Variants in IL4R observed in about 807,000 individuals in gnomAD.
The protein encoded by IL4R is interleukin 4 receptor, also known as interleukin-4 receptor subunit alpha.
A neutral mutation model predicts 41.5 loss-of-function variants in IL4R; 17 were observed. The ratio of observed to expected loss-of-function variants is 0.41; its 90% CI spans 0.28 to 0.61. IL4R has a LOEUF of 0.61. Among genes scored for constraint, IL4R ranks in the 20% least tolerant of loss-of-function variants. The pLI is 0.31. For synonymous variants in IL4R, 402 were observed against 422.9 expected, an observed-to-expected ratio of 0.95 and a Z score of 0.61; for missense variants, 974 against 1,043.1, an observed-to-expected ratio of 0.93 and a Z score of 0.91.
At chr16:27,337,606 G>T (rs2085299532) in intron 2 of IL4R, among the ~76,000 whole-genome samples, 1 of 150,040 alleles carries the variant, frequency 6.7e-6, no homozygotes, top group Non-Finnish European at 1.5e-5. Flanking sequence ...TTGCAACAGG[G>T]TCTCACTGTG....
At chr16:27,341,913 C>G (rs1346341481) in intron 3 of IL4R, 3 of 564,276 alleles carry the variant, frequency 5.3e-6, no homozygotes, top group African/African-American at 3.8e-5. Context: ...GCCCCCGCAC[C>G]CATGGGTATT....
intron 8 of IL4R, among the ~76,000 whole-genome samples, chr16:27,357,168 G>A (rs897339775): frequency 2.0e-5 from 3 of 152,162 alleles, no homozygotes; most frequent in South Asian, 2.1e-4. Flanking sequence ...AGCAACCTTG[G>A]ACTGATCGCC....
chr16:27,353,896 T>C (rs765200138), intron 7 of IL4R, among the ~76,000 whole-genome samples: 13 of 152,190 alleles, frequency 8.5e-5, no homozygotes, highest in Non-Finnish European at 1.3e-4. Context: ...GACCCCTGAA[T>C]TCTACCTGCA....
chr16:27,358,812 A>T, intron 8 of IL4R, 104 bp from the exon 9 acceptor site: 3 of 824,282 alleles, frequency 3.6e-6, no homozygotes, highest in Non-Finnish European at 6.3e-6. Flanking sequence ...AATCAGCCTG[A>T]TCTCTGATGC....
rs757370872 is a variant in IL4R, at chr16:27,345,163, C to G, written c.361+143C>G. Reference sequence around the variant, plus strand: ...GTATTTTCCCAAATCTGATGGGATTCCTGCCCCTGCCTGGGCCTCAGTCCT... The same window carrying G: ...GTATTTTCCCAAATCTGATGGGATTGCTGCCCCTGCCTGGGCCTCAGTCCT... On this transcript the variant is annotated intron_variant, in intron 5 of 10. Coordinates refer to ENST00000395762, the MANE Select transcript of IL4R (RefSeq NM_000418.4). This position sits in a 1 kb window ranked among gnomAD's most constrained non-coding sequence, Gnocchi z 4.5. 2.2e-6 allele frequency: 2 copies of G among 896,676 alleles called. No homozygotes were observed. The highest frequency in any genetic ancestry group is 5.3e-5 in the East Asian group (2 of 38,026). 55.5% of individuals were successfully genotyped at this position (896,676 alleles called of 1,614,324 possible). A position where few individuals can be genotyped will look rare whatever the true frequency, so the allele number is the denominator to read the frequency against.
At position 27,345,102 on chromosome 16, in the gene IL4R, A is replaced by G. The variant is rs1462117623; in HGVS notation, c.361+82A>G. On this transcript the variant is annotated intron_variant, in intron 5 of 10. Transcript: ENST00000395762. The surrounding 1 kb of genome is among the most constrained non-coding windows in gnomAD (Gnocchi z 4.5). Reference sequence around the variant, plus strand: ...CTGAGGGTGGGGTGGGCAGGGGAGGAGGTGGGGTCATAGCAACAGCAGGAG... The same window carrying G: ...CTGAGGGTGGGGTGGGCAGGGGAGGGGGTGGGGTCATAGCAACAGCAGGAG... 8.0e-6 allele frequency: 4 copies of G among 497,144 alleles called. No individual in the cohort carries two copies. The highest frequency in any genetic ancestry group is 2.0e-5 in the African/African-American group (1 of 50,020). 30.8% of individuals were successfully genotyped at this position (497,144 alleles called of 1,614,324 possible). A position where few individuals can be genotyped will look rare whatever the true frequency, so the allele number is the denominator to read the frequency against.
chr16:27,362,972 C>T lies in IL4R; in HGVS notation c.1620C>T (p.Thr540=), dbSNP rs2086357079. ...GTGTCCCCCAGCTCTCTGAGCCAAC[C>T]ACTGTGCCCCAACCTGAGCCAGAAA... The part of the protein sequence containing the change: ...MPCVPQLSEP[T]TVPQPEPETW... The change falls in exon 11 of 11, where the codon ACC becomes ACT. Residue 540 remains threonine, a synonymous_variant. Transcript: ENST00000395762. 6.2e-7 allele frequency: 1 copy of T among 1,614,152 alleles called. No homozygotes were observed. The highest frequency in any genetic ancestry group is 1.3e-5 in the African/African-American group (1 of 75,056).
Position 27,362,513 on chromosome 16 carries a change from G to A in IL4R, c.1161G>A (p.Ser387=), listed in dbSNP as rs749920780. The A allele has an allele frequency of 2.7e-5, 43 of 1,614,026 alleles. No homozygotes were observed. In the East Asian group the frequency reaches 4.2e-4, roughly 16 times the overall value. Residue 387 remains serine, a synonymous_variant, in exon 11 of 11, where the codon TCG becomes TCA. Transcript: ENST00000395762. The stretch of plus-strand genomic sequence containing the variant: ...AAGAAAAAGGGAGCTTCTGTGCATC[G>A]CCTGAGAGCAGCAGGGATGACTTCC... The part of the protein sequence containing the change: ...VEEEKGSFCA[S]PESSRDDFQE...
In IL4R at chr16:27,360,893, T is replaced by C. The variant is rs754690077; in HGVS notation, c.899+78T>C. The C allele has an allele frequency of 1.9e-6, 3 of 1,612,402 alleles. No homozygotes were observed. The African/African-American group carries it at 4.0e-5, about 22-fold the overall frequency. On this transcript the variant is annotated intron_variant, in intron 10 of 10. Transcript: ENST00000395762. ...TTGGAGAGGCAAGCCCCTAGCTCCA[T>C]GTCTGCCTTCTCTTCCCTGCATTCG...
chr16:27,324,576 C>G (rs2084901862), intron 1 of IL4R, among the ~76,000 whole-genome samples: 1 of 152,148 alleles, frequency 6.6e-6, no homozygotes, highest in South Asian at 2.1e-4. Flanking sequence ...CCCGAGTGTG[C>G]AATATGCCAC....
chr16:27,350,225 T>C (rs746078029), intron 6 of IL4R, among the ~76,000 whole-genome samples: 6 of 152,186 alleles, frequency 3.9e-5, no homozygotes, highest in Non-Finnish European at 7.4e-5. Flanking sequence ...TAGTAAAACA[T>C]TTCCCAGTTC....
At chr16:27,339,500 T>A (rs545938295) in intron 2 of IL4R, among the ~76,000 whole-genome samples, 1 of 152,264 alleles carries the variant, frequency 6.6e-6, no homozygotes, top group South Asian at 2.1e-4. Context: ...AGTCCCACTT[T>A]ATAGATAAGG....
chr16:27,354,900 G>A, intron 7 of IL4R: 1 of 408,848 alleles, frequency 2.4e-6, no homozygotes, highest in East Asian at 7.5e-5. Context: ...CCAGAACCCA[G>A]CACAGAACCA....
intron 9 of IL4R, chr16:27,359,768 T>C (rs1234123664): frequency 2.2e-6 from 1 of 456,612 alleles, no homozygotes; most frequent in South Asian, 1.5e-5. Context: ...ACATATAAAG[T>C]GCATATTCCA....
At chr16:27,319,929 G>GTGC (rs2084762177) in intron 1 of IL4R, among the ~76,000 whole-genome samples, 1 of 152,066 alleles carries the variant, frequency 6.6e-6, no homozygotes, top group Non-Finnish European at 1.5e-5. Context: ...GAGTGCAATG[G>GTGC]TGCGATCTTG....
chr16:27,346,752 G>A, intron 6 of IL4R, 134 bp downstream of exon 6: 1 of 960,226 alleles, frequency 1.0e-6, no homozygotes. Context: ...AGGAGCTAGA[G>A]ACCTGGCTTC....
At chr16:27,342,359 T>C (rs2085470931) in intron 4 of IL4R, 100 bp downstream of exon 4, 3 of 1,419,780 alleles carry the variant, frequency 2.1e-6, no homozygotes, top group Non-Finnish European at 2.0e-6. Flanking sequence ...TGCAGGATGC[T>C]GAGTATGGTT....
intron 7 of IL4R, among the ~76,000 whole-genome samples, chr16:27,354,483 C>T (rs1327058561): frequency 5.9e-5 from 9 of 152,222 alleles, no homozygotes; most frequent in Non-Finnish European, 1.3e-4. Context: ...CCCCTTACAT[C>T]TCATTGGCCA....
chr16:27,317,558 G>A (rs930178017), intron 1 of IL4R, among the ~76,000 whole-genome samples: 2 of 152,108 alleles, frequency 1.3e-5, no homozygotes, highest in African/African-American at 4.8e-5. Flanking sequence ...GAGCGCCCCG[G>A]CAGAGGCTTG....
Sources: gnomAD v4.1 joint callset for allele counts (sites outside exome capture counted in the v4.1 genomes callset) on GRCh38, gnomAD v4.1.1 for gene constraint, Gnocchi (gnomAD v3.1) non-coding constraint, MANE v1.5 for transcripts, NCBI Gene and HGNC (gene_info 2026-07-23, HGNC 2026-07-21) for gene names.